The following RBFOX1 variants were observed in gnomAD, a reference collection of about 807,000 sequenced individuals.
RBFOX1 encodes RNA binding protein fox-1 homolog 1.
In RBFOX1, 8 loss-of-function variants were observed where a neutral mutation model predicts 57.7. The ratio of observed to expected loss-of-function variants is 0.14; its 90% CI spans 0.08 to 0.25. RBFOX1 has a LOEUF of 0.25. Ranked by LOEUF, RBFOX1 falls within the 10% of genes least tolerant of loss-of-function variation. The pLI, the probability that RBFOX1 is intolerant of heterozygous loss-of-function variation, is 1.00. For synonymous variants in RBFOX1, 326 were observed against 222.4 expected (o/e 1.47, Z -4.15); for missense variants, 611 against 548.5 (o/e 1.11, Z -1.14).
chr16:6,190,928 C>T (rs139992138), intron 1 of RBFOX1, among the ~76,000 whole-genome samples: 2 of 152,234 alleles, frequency 1.3e-5, no homozygotes, highest in South Asian at 2.1e-4. Flanking sequence ...AATGACAACA[C>T]GCCGGGGGCT....
chr16:7,668,774 T>G (rs1054165857), intron 13 of RBFOX1, among the ~76,000 whole-genome samples: 2 of 152,178 alleles, frequency 1.3e-5, no homozygotes, highest in African/African-American at 4.8e-5. Context: ...GTGGTGCACC[T>G]TTAAATACAT....
Position 5,502,025 on chromosome 16 carries a change from CTATTATTAT to C in RBFOX1, c.258+34789_258+34797del, listed in dbSNP as rs58333271. 1.1e-4 allele frequency among the ~76,000 whole-genome samples: 17 copies of C among 150,278 alleles called. No individual in the cohort carries two copies. The South Asian group carries it at 1.5e-3, about 13-fold the overall frequency. ...GGCATGAGCCACCATGCCCAGCTCA[CTATTATTAT>C]TATTATTATTATTATTAATTGTTAT... On this transcript the variant is annotated intron_variant, in intron 2 of 2. Transcript: ENST00000585867.
intron 1 of RBFOX1, among the ~76,000 whole-genome samples, chr16:6,108,104 C>T (rs915123150): frequency 2.0e-5 from 3 of 152,152 alleles, no homozygotes; most frequent in Admixed American, 1.3e-4. Flanking sequence ...AAGAGACCAA[C>T]ATACATGTAT....
intron 11 of RBFOX1, among the ~76,000 whole-genome samples, chr16:7,633,017 G>A (rs1349683359): frequency 1.3e-5 from 2 of 152,144 alleles, no homozygotes; most frequent in Non-Finnish European, 2.9e-5. Flanking sequence ...AATAGCTGAA[G>A]CATAGAGAGA....
intron 2 of RBFOX1, among the ~76,000 whole-genome samples, chr16:6,404,224 A>G (rs866697686): frequency 6.6e-6 from 1 of 152,206 alleles, no homozygotes; most frequent in Non-Finnish European, 1.5e-5. Flanking sequence ...TTTGCATAGC[A>G]TTTGCATTTG....
chr16:5,649,608 C>T lies in RBFOX1; in HGVS notation c.318+50647C>T, dbSNP rs533676665. Among the ~76,000 whole-genome samples the T allele has an allele frequency of 2.0e-5, 3 of 152,358 alleles. No homozygotes were observed. The South Asian group carries it at 6.2e-4, about 32-fold the overall frequency. On this transcript the variant is annotated intron_variant, in intron 3 of 19. Coordinates refer to the RBFOX1 transcript ENST00000641259. ...TCGTCTCCCTCTCTCATTTCCCTTT[C>T]TTCCCTGAGAGATGCAGCCTCTGTC... is the stretch of plus-strand genomic sequence containing the variant.
intron 1 of RBFOX1, among the ~76,000 whole-genome samples, chr16:6,197,350 T>C (rs761429038): frequency 9.1e-4 from 139 of 152,228 alleles, no homozygotes; most frequent in Non-Finnish European, 1.2e-3. Flanking sequence ...TCATTCGTTG[T>C]GTCTCAAACT....
At chr16:6,626,379 C>T (rs1006855321) in intron 2 of RBFOX1, among the ~76,000 whole-genome samples, 18 of 152,038 alleles carry the variant, frequency 1.2e-4, no homozygotes, top group African/African-American at 3.1e-4. Context: ...AGCTGAGGCT[C>T]GGGAGGGCTG....
chr16:6,832,271 C>T (rs1190927933), intron 3 of RBFOX1, among the ~76,000 whole-genome samples: 1 of 152,132 alleles, frequency 6.6e-6, no homozygotes, highest in African/African-American at 2.4e-5. Flanking sequence ...TTGAAAAGAG[C>T]AATTGCTGAC....
intron 1 of RBFOX1, among the ~76,000 whole-genome samples, chr16:6,154,131 C>G (rs17195737): frequency 6.6e-6 from 1 of 152,176 alleles, no homozygotes; most frequent in Non-Finnish European, 1.5e-5. Context: ...CATAATCTCA[C>G]GCTGACGCTT....
At chr16:7,676,740 A>T (rs1224063718) in intron 13 of RBFOX1, 34 bp from the exon 14 acceptor site, 9 of 1,588,540 alleles carry the variant, frequency 5.7e-6, no homozygotes, top group African/African-American at 1.3e-5. Context: ...GGGCTCCGCT[A>T]CATTCCTGAG....
chr16:7,427,639 T>A (rs950223480), intron 4 of RBFOX1, among the ~76,000 whole-genome samples: 9 of 149,462 alleles, frequency 6.0e-5, no homozygotes, highest in African/African-American at 1.8e-4. Flanking sequence ...TATTTTTTTT[T>A]ATTTTTATTT....
chr16:6,896,014 G>T (rs1378152280), intron 3 of RBFOX1, among the ~76,000 whole-genome samples: 1 of 152,068 alleles, frequency 6.6e-6, no homozygotes, highest in African/African-American at 2.4e-5. Context: ...CATGAAGAAT[G>T]GGATATCCAT....
At chr16:7,289,521 C>G (rs1249675377) in intron 4 of RBFOX1, among the ~76,000 whole-genome samples, 1 of 152,048 alleles carries the variant, frequency 6.6e-6, no homozygotes, top group East Asian at 1.9e-4. Context: ...TCATCGTCAT[C>G]ATCACCATTA....
chr16:5,375,814 A>T (rs748373047), intron 1 of RBFOX1, among the ~76,000 whole-genome samples: 26 of 152,302 alleles, frequency 1.7e-4, no homozygotes, highest in South Asian at 1.0e-3. Flanking sequence ...ACTGTTGTTA[A>T]ACTAACTAAA....
At chr16:5,724,568 A>G (rs2052062155) in intron 3 of RBFOX1, among the ~76,000 whole-genome samples, 1 of 152,186 alleles carries the variant, frequency 6.6e-6, no homozygotes, top group African/African-American at 2.4e-5. Context: ...TCCCTCAAGC[A>G]TAATCCTCAT....
At chr16:5,786,711 C>T (rs750325011) in intron 3 of RBFOX1, among the ~76,000 whole-genome samples, 3 of 152,170 alleles carry the variant, frequency 2.0e-5, no homozygotes, top group Non-Finnish European at 4.4e-5. Context: ...TTTCACCAGG[C>T]TGGTCATACT....
chr16:6,942,623 A>G (rs1193078444), intron 3 of RBFOX1, among the ~76,000 whole-genome samples: 1 of 152,158 alleles, frequency 6.6e-6, no homozygotes, highest in Non-Finnish European at 1.5e-5. Flanking sequence ...TCAGTGCAGG[A>G]GACGGTGCTA....
intron 3 of RBFOX1, among the ~76,000 whole-genome samples, chr16:6,944,398 A>C (rs917062048): frequency 1.7e-5 from 1 of 57,620 alleles, no homozygotes; most frequent in Non-Finnish European, 4.3e-5. Context: ...CATCTCAGAG[A>C]AAAAAAAAAA....
Sources: allele counts gnomAD v4.1 joint callset (sites outside exome capture counted in the v4.1 genomes callset), GRCh38; gene constraint gnomAD v4.1.1; transcripts MANE v1.5; gene names NCBI Gene and HGNC (gene_info 2026-07-23, HGNC 2026-07-21).